NPAS3: variants seen among roughly 807,000 people sequenced by gnomAD.
NPAS3 encodes the protein neuronal PAS domain-containing protein 3.
In NPAS3, 14 loss-of-function variants were observed where a neutral mutation model predicts 73.1. That is an observed-to-expected ratio of 0.19 (90% CI 0.13 to 0.30). NPAS3 has a LOEUF of 0.30. NPAS3 is among the 10% of genes least tolerant of loss of function. The pLI, the probability that NPAS3 is intolerant of heterozygous loss-of-function variation, is 1.00. For synonymous variants in NPAS3, 620 were observed against 541.5 expected (o/e 1.14, Z -2.01); for missense variants, 1,096 against 1,250.0 (o/e 0.88, Z 1.86).
chr14:33,793,783 C>A, intron 9 of NPAS3, 114 bp from the exon 10 acceptor site: 1 of 909,814 alleles, frequency 1.1e-6, no homozygotes, highest in Non-Finnish European at 1.6e-6. Flanking sequence ...GTCACCCTGG[C>A]TTGGTGTAGG....
intron 3 of NPAS3, among the ~76,000 whole-genome samples, chr14:33,350,566 C>T (rs1011406148): frequency 3.9e-5 from 6 of 152,206 alleles, no homozygotes; most frequent in East Asian, 3.8e-4. Flanking sequence ...GAAGGGATCA[C>T]GCCTCTAAGA....
At chr14:33,368,845 T>G (rs1203287999) in intron 4 of NPAS3, among the ~76,000 whole-genome samples, 11 of 152,190 alleles carry the variant, frequency 7.2e-5, no homozygotes, top group Non-Finnish European at 1.0e-4. Flanking sequence ...GACCGTGACA[T>G]ATAAATTGTT....
chr14:33,098,417 G>A (rs951927407), intron 2 of NPAS3, among the ~76,000 whole-genome samples: 32 of 152,264 alleles, frequency 2.1e-4, no homozygotes, highest in Non-Finnish European at 2.4e-4. Context: ...TGACAATGGT[G>A]AATACCATAT....
chr14:32,969,759 GA>G (rs2037341779), intron 1 of NPAS3, among the ~76,000 whole-genome samples: 1 of 152,086 alleles, frequency 6.6e-6, no homozygotes, highest in African/African-American at 2.4e-5. Flanking sequence ...CCTGCTAATG[GA>G]AAGTAAATGA....
At chr14:33,195,953 T>C (rs192143716) in intron 2 of NPAS3, among the ~76,000 whole-genome samples, 345 of 152,332 alleles carry the variant, frequency 2.3e-3, no homozygotes, top group Middle Eastern at 0.014. Flanking sequence ...GTTCCACTAA[T>C]GTTGTATGAC....
At chr14:33,023,092 T>TAA (rs112241099) in intron 1 of NPAS3, among the ~76,000 whole-genome samples, 1 of 148,422 alleles carries the variant, frequency 6.7e-6, no homozygotes, top group Non-Finnish European at 1.5e-5. Context: ...AACACAAATT[T>TAA]AAAAAAAAAA....
intron 3 of NPAS3, 64 bp from the exon 4 acceptor site, chr14:33,367,122 C>T (rs770065390): frequency 2.7e-6 from 2 of 731,322 alleles, no homozygotes; most frequent in African/African-American, 1.8e-5. Flanking sequence ...AGAAACTAAG[C>T]TGAAGATATG....
At chr14:33,335,068 G>GTGTGTGTA (rs1366925163) in intron 3 of NPAS3, among the ~76,000 whole-genome samples, 17 of 150,948 alleles carry the variant, frequency 1.1e-4, no homozygotes, top group African/African-American at 4.2e-4. Flanking sequence ...GTGTGTGTGT[G>GTGTGTGTA]TGTATCACAT....
intron 4 of NPAS3, among the ~76,000 whole-genome samples, chr14:33,509,390 G>A (rs2052930134): frequency 6.6e-6 from 1 of 151,994 alleles, no homozygotes; most frequent in Non-Finnish European, 1.5e-5. Context: ...TGAAAAAGCT[G>A]AGGACCCAGA....
At chr14:33,161,021 G>A (rs771391263) in intron 2 of NPAS3, among the ~76,000 whole-genome samples, 7 of 152,206 alleles carry the variant, frequency 4.6e-5, no homozygotes, top group Non-Finnish European at 7.3e-5. Flanking sequence ...CCAAACAGTG[G>A]AGGACAATGA....
At chr14:32,992,015 A>T (rs2038355255) in intron 1 of NPAS3, among the ~76,000 whole-genome samples, 1 of 152,246 alleles carries the variant, frequency 6.6e-6, no homozygotes, top group South Asian at 2.1e-4. Flanking sequence ...AGACTCAAAC[A>T]TTCTTTTTCA....
At chr14:33,196,566 A>G (rs2046362315) in intron 2 of NPAS3, among the ~76,000 whole-genome samples, 1 of 152,186 alleles carries the variant, frequency 6.6e-6, no homozygotes, top group Admixed American at 6.5e-5. Flanking sequence ...CCAGCGGGAT[A>G]AGACCCTCCT....
intron 4 of NPAS3, among the ~76,000 whole-genome samples, chr14:33,499,973 A>C (rs925971010): frequency 4.6e-5 from 7 of 151,940 alleles, no homozygotes; most frequent in African/African-American, 1.7e-4. Context: ...GAACGGAAGA[A>C]AATAAAGGAA....
In NPAS3 at chr14:33,246,839, C is replaced by CAAAAAAAA. The variant is rs571439161; in HGVS notation, c.385+31434_385+31441dup. Among the ~76,000 whole-genome samples, 25 of 61,964 alleles carry CAAAAAAAA rather than the reference C, an allele frequency of 4.0e-4. 1 individual carries two copies. The highest frequency in any genetic ancestry group is 1.7e-3 in the African/African-American group (22 of 12,834). The allele number at this position is 61,964 out of a possible 152,430, so 40.7% of individuals were successfully genotyped here. Reference sequence around the variant, plus strand: ...TGAAACCTCATCTCTATTAAAAATACAAAAAAAAAAAAAAAAAAAAAAAAA... The same window carrying CAAAAAAAA: ...TGAAACCTCATCTCTATTAAAAATACAAAAAAAAAAAAAAAAAAAAAAAAAAAAAAAAA... On this transcript the variant is annotated intron_variant, in intron 3 of 11. Transcript: ENST00000356141.
chr14:33,190,076 T>G (rs768881733), intron 2 of NPAS3, among the ~76,000 whole-genome samples: 12 of 152,144 alleles, frequency 7.9e-5, no homozygotes, highest in Admixed American at 1.3e-4. Flanking sequence ...CTATAATACA[T>G]CAAGAAAATG....
chr14:33,371,059 A>G (rs2046065728), intron 4 of NPAS3, among the ~76,000 whole-genome samples: 1 of 152,088 alleles, frequency 6.6e-6, no homozygotes, highest in Non-Finnish European at 1.5e-5. Context: ...GAGCAAAGAG[A>G]GGGTTAAGGA....
intron 2 of NPAS3, among the ~76,000 whole-genome samples, chr14:33,171,394 C>T (rs1228239306): frequency 6.6e-6 from 1 of 152,154 alleles, no homozygotes; most frequent in East Asian, 1.9e-4. Flanking sequence ...TTAAAGTTAC[C>T]AGCTGCTTTA....
At chr14:33,472,585 G>A (rs2050834646) in intron 4 of NPAS3, among the ~76,000 whole-genome samples, 6 of 143,412 alleles carry the variant, frequency 4.2e-5, no homozygotes, top group Admixed American at 4.0e-4. Flanking sequence ...CAATCTTCTA[G>A]GCTAGAGACA....
chr14:33,419,415 C>T lies in NPAS3; in HGVS notation c.468+52147C>T, dbSNP rs371965894. Reference sequence around the variant, plus strand: ...CTTTGACATTGTAAAACCATAAAAACTGTGATTGTTGTGGGTGATAGGTAA... The same window carrying T: ...CTTTGACATTGTAAAACCATAAAAATTGTGATTGTTGTGGGTGATAGGTAA... On this transcript the variant is annotated intron_variant, in intron 4 of 11. Transcript: ENST00000356141. Among the ~76,000 whole-genome samples the T allele has an allele frequency of 7.2e-5, 11 of 151,756 alleles. No individual in the cohort carries two copies. The South Asian group carries it at 2.3e-3, about 32-fold the overall frequency.
Sources: gnomAD v4.1 joint callset for allele counts (sites outside exome capture counted in the v4.1 genomes callset) on GRCh38, gnomAD v4.1.1 for gene constraint, MANE v1.5 for transcripts, NCBI Gene and HGNC (gene_info 2026-07-23, HGNC 2026-07-21) for gene names.